Variants in MAP4K4 observed in about 807,000 individuals in gnomAD.
MAP4K4 encodes the protein mitogen-activated protein kinase kinase kinase kinase 4.
A neutral mutation model predicts 189.6 loss-of-function variants in MAP4K4; 38 were observed. The observed-to-expected ratio is 0.20, with a 90% CI of 0.15 to 0.26. The LOEUF is 0.26. Ranked by LOEUF, MAP4K4 falls within the 10% of genes least tolerant of loss-of-function variation. The pLI is 1.00. For missense variants in MAP4K4, 1,054 were observed against 1,726.9 expected (o/e 0.61, Z 6.91); for synonymous variants, 610 against 624.3 (o/e 0.98, Z 0.34).
chr2:101,702,108 G>A (rs983667075), intron 2 of MAP4K4, among the ~76,000 whole-genome samples: 2 of 152,050 alleles, frequency 1.3e-5, no homozygotes, highest in East Asian at 3.9e-4. Context: ...TGATCTGCAC[G>A]CCTTGGCCTC....
At chr2:101,740,517 G>C (rs1400036602) in intron 2 of MAP4K4, among the ~76,000 whole-genome samples, 2 of 152,030 alleles carry the variant, frequency 1.3e-5, no homozygotes. Flanking sequence ...TTGCTGTATT[G>C]TGCCTCTAAT....
At chr2:101,726,748 G>T (rs530869743) in intron 2 of MAP4K4, among the ~76,000 whole-genome samples, 1 of 152,242 alleles carries the variant, frequency 6.6e-6, no homozygotes, top group African/African-American at 2.4e-5. Flanking sequence ...TGTTTGGCTG[G>T]ATTGTTTGAC....
chr2:101,825,480 G>A (rs1238585006), intron 5 of MAP4K4, 51 bp downstream of exon 5: 13 of 1,231,038 alleles, frequency 1.1e-5, no homozygotes, highest in East Asian at 4.8e-5. Context: ...CTGTGCTTCC[G>A]TTTTCATTTT....
chr2:101,856,797 A>T (rs138691895), intron 13 of MAP4K4, among the ~76,000 whole-genome samples: 1 of 152,216 alleles, frequency 6.6e-6, no homozygotes, highest in East Asian at 1.9e-4. Context: ...CTTTGTTATG[A>T]GCTTGGAATA....
At chr2:101,799,629 C>T (rs1157438297) in intron 3 of MAP4K4, among the ~76,000 whole-genome samples, 2 of 151,176 alleles carry the variant, frequency 1.3e-5, no homozygotes, top group East Asian at 3.9e-4. Flanking sequence ...TTCAGATAGG[C>T]TTCACTCTGT....
intron 32 of MAP4K4, 69 bp from the exon 33 acceptor site, chr2:101,891,097 C>A: frequency 8.1e-7 from 1 of 1,232,116 alleles, no homozygotes; most frequent in Non-Finnish European, 1.2e-6. Context: ...ATGATGGTGG[C>A]TTAGATTCCC....
chr2:101,866,152 T>C (rs572215688), intron 18 of MAP4K4, among the ~76,000 whole-genome samples: 1 of 152,234 alleles, frequency 6.6e-6, no homozygotes, highest in Non-Finnish European at 1.5e-5. Context: ...ATGGTGCTGC[T>C]TCTACACTGA....
intron 3 of MAP4K4, among the ~76,000 whole-genome samples, chr2:101,803,991 T>C (rs2094642757): frequency 6.6e-6 from 1 of 152,166 alleles, no homozygotes; most frequent in South Asian, 2.1e-4. Flanking sequence ...ACTTGCCACA[T>C]TGTAGTGCAC....
chr2:101,847,809 G>A (rs972122990), intron 12 of MAP4K4, among the ~76,000 whole-genome samples: 1 of 152,106 alleles, frequency 6.6e-6, no homozygotes, highest in Admixed American at 6.5e-5. Context: ...AGTAGTGTAC[G>A]CTAATGTTCA....
intron 12 of MAP4K4, among the ~76,000 whole-genome samples, chr2:101,844,836 T>G (rs2097043127): frequency 6.6e-6 from 1 of 152,094 alleles, no homozygotes; most frequent in Admixed American, 6.6e-5. Flanking sequence ...GCTTAATACC[T>G]AGGTGACGGG....
chr2:101,700,700 CATT>C (rs1393478280), intron 2 of MAP4K4, among the ~76,000 whole-genome samples: 10 of 151,822 alleles, frequency 6.6e-5, no homozygotes, highest in Non-Finnish European at 1.2e-4. Flanking sequence ...TACACAATCA[CATT>C]GTTGTTATCA....
At chr2:101,846,411 T>C (rs1227687840) in intron 12 of MAP4K4, among the ~76,000 whole-genome samples, 1 of 152,196 alleles carries the variant, frequency 6.6e-6, no homozygotes, top group Non-Finnish European at 1.5e-5. Context: ...TAGACTACTT[T>C]GGTGGTTTAT....
At chr2:101,729,860 G>A (rs956716087) in intron 2 of MAP4K4, among the ~76,000 whole-genome samples, 3 of 152,206 alleles carry the variant, frequency 2.0e-5, no homozygotes, top group East Asian at 3.8e-4. Context: ...GGTTCTCTGG[G>A]TGTTTTCCTC....
chr2:101,782,430 AG>A (rs1231952587), intron 2 of MAP4K4, among the ~76,000 whole-genome samples: 5 of 152,354 alleles, frequency 3.3e-5, no homozygotes, highest in African/African-American at 4.8e-5. Context: ...AGGGAATGGA[AG>A]CACTGTCTTA....
exon 15 of MAP4K4, chr2:101,859,839 A>G (rs1436345005): frequency 2.5e-6 from 4 of 1,608,566 alleles, no homozygotes; most frequent in African/African-American, 1.3e-5. Flanking sequence ...AAAGCCCACT[A>G]CGAGCCTGCT....
intron 25 of MAP4K4, 28 bp downstream of exon 25, chr2:101,873,792 C>A: frequency 6.8e-7 from 1 of 1,477,474 alleles, no homozygotes; most frequent in Non-Finnish European, 9.4e-7. Context: ...AAGAAAGCAG[C>A]TGACAAATGG....
At chr2:101,743,216 C>T (rs2063625477) in intron 2 of MAP4K4, among the ~76,000 whole-genome samples, 2 of 152,090 alleles carry the variant, frequency 1.3e-5, no homozygotes. Context: ...TCAGATGCTT[C>T]CGTCTATCTG....
chr2:101,715,099 G>C (rs886187134), intron 2 of MAP4K4, among the ~76,000 whole-genome samples: 1 of 152,202 alleles, frequency 6.6e-6, no homozygotes, highest in African/African-American at 2.4e-5. Context: ...CATAGTTCTA[G>C]AGGACAGAAG....
intron 2 of MAP4K4, among the ~76,000 whole-genome samples, chr2:101,743,992 G>T (rs2063987830): frequency 6.6e-6 from 1 of 152,120 alleles, no homozygotes; most frequent in African/African-American, 2.4e-5. Flanking sequence ...ATGTGATAAA[G>T]GTAGGACTGC....
Sources: gnomAD v4.1 joint callset for allele counts (sites outside exome capture counted in the v4.1 genomes callset) on GRCh38, gnomAD v4.1.1 for gene constraint, MANE v1.5 for transcripts, NCBI Gene and HGNC (gene_info 2026-07-23, HGNC 2026-07-21) for gene names.